SLC35F3: variants seen among roughly 807,000 people sequenced by gnomAD.
SLC35F3 encodes the protein putative thiamine transporter SLC35F3.
Under a neutral mutation model 49.9 loss-of-function variants are expected in SLC35F3, and 25 were observed. The ratio of observed to expected loss-of-function variants is 0.50; its 90% CI spans 0.37 to 0.70. The LOEUF (loss-of-function observed/expected upper bound fraction) is 0.70, where lower values mean the gene tolerates loss of function less well. SLC35F3 is among the 30% of genes least tolerant of loss of function. The pLI is 0.00. For synonymous variants in SLC35F3, 275 were observed against 265.4 expected, an observed-to-expected ratio of 1.04 and a Z score of -0.35; for missense variants, 525 against 639.8, an observed-to-expected ratio of 0.82 and a Z score of 1.94.
chr1:234,313,353 TCTGTGACTCA>T (rs1367781266), intron 4 of SLC35F3, among the ~76,000 whole-genome samples: 1 of 152,170 alleles, frequency 6.6e-6, no homozygotes, highest in Non-Finnish European at 1.5e-5. Flanking sequence ...GAGTGGTGTG[TCTGTGACTCA>T]GGCCTGGGTG....
chr1:234,202,728 G>A (rs1161887822), intron 2 of SLC35F3, among the ~76,000 whole-genome samples: 1 of 152,230 alleles, frequency 6.6e-6, no homozygotes, highest in African/African-American at 2.4e-5. Context: ...GAGATGGCCT[G>A]TGCACCTGTC....
chr1:233,950,547 ACT>A (rs1256769471), intron 2 of SLC35F3, among the ~76,000 whole-genome samples: 1 of 100,610 alleles, frequency 9.9e-6, no homozygotes, highest in Non-Finnish European at 1.9e-5. Context: ...TCCCTCCTTC[ACT>A]CTTTCCTCCT....
chr1:233,908,241 G>A (rs1661808276), intron 2 of SLC35F3, among the ~76,000 whole-genome samples: 1 of 151,834 alleles, frequency 6.6e-6, no homozygotes, highest in African/African-American at 2.4e-5. Context: ...AGTTATGGAA[G>A]CTCCAAGCTA....
intron 2 of SLC35F3, among the ~76,000 whole-genome samples, chr1:233,985,014 T>TG (rs59133633): frequency 0.11 from 15,792 of 148,272 alleles, 1,221 homozygotes; most frequent in East Asian, 0.42. Context: ...ATGCAGGGGT[T>TG]GGGGGGGTGC....
chr1:234,069,135 T>C (rs1664674368), intron 2 of SLC35F3, among the ~76,000 whole-genome samples: 1 of 133,372 alleles, frequency 7.5e-6, no homozygotes, highest in Non-Finnish European at 1.5e-5. Context: ...ATAAAATATA[T>C]AATATATAAT....
intron 2 of SLC35F3, among the ~76,000 whole-genome samples, chr1:234,104,770 A>G (rs534453317): frequency 6.6e-6 from 1 of 152,234 alleles, no homozygotes; most frequent in African/African-American, 2.4e-5. Context: ...ATTTAATTTT[A>G]TGAGAGTGAT....
At chr1:234,108,702 TTA>T (rs1452788162) in intron 2 of SLC35F3, among the ~76,000 whole-genome samples, 14 of 101,218 alleles carry the variant, frequency 1.4e-4, no homozygotes, top group South Asian at 3.4e-4. Context: ...AAAATATATA[TTA>T]TATATATAAA....
intron 3 of SLC35F3, among the ~76,000 whole-genome samples, chr1:234,262,494 G>A (rs1276623301): frequency 6.6e-6 from 1 of 152,192 alleles, no homozygotes; most frequent in Non-Finnish European, 1.5e-5. Context: ...TGGTTGCAGT[G>A]GCTGCTTTAG....
At chr1:234,283,222 G>T (rs1668357630) in intron 3 of SLC35F3, among the ~76,000 whole-genome samples, 1 of 152,158 alleles carries the variant, frequency 6.6e-6, no homozygotes, top group African/African-American at 2.4e-5. Flanking sequence ...CCAATTCCAT[G>T]GTCAACTCCC....
chr1:233,927,426 A>G (rs1662177646), intron 2 of SLC35F3, among the ~76,000 whole-genome samples: 1 of 152,158 alleles, frequency 6.6e-6, no homozygotes, highest in Non-Finnish European at 1.5e-5. Flanking sequence ...ACCTATAACA[A>G]CAAAAAATAA....
intron 2 of SLC35F3, among the ~76,000 whole-genome samples, chr1:233,987,523 T>G (rs1006753916): frequency 1.3e-5 from 2 of 150,700 alleles, no homozygotes; most frequent in Non-Finnish European, 2.9e-5. Context: ...TTTATTTTGA[T>G]CTATCTTTTC....
intron 2 of SLC35F3, among the ~76,000 whole-genome samples, chr1:234,110,985 A>C (rs568124116): frequency 1.3e-5 from 2 of 152,192 alleles, no homozygotes; most frequent in Non-Finnish European, 2.9e-5. Context: ...TGAAAAATCT[A>C]GTATAAGCTT....
At chr1:234,196,062 A>T (rs1045920667) in intron 2 of SLC35F3, among the ~76,000 whole-genome samples, 1 of 152,084 alleles carries the variant, frequency 6.6e-6, no homozygotes, top group Non-Finnish European at 1.5e-5. Flanking sequence ...ACAAGGTGGG[A>T]CTGGACTCCC....
intron 2 of SLC35F3, among the ~76,000 whole-genome samples, chr1:234,169,570 A>T (rs1167401644): frequency 7.1e-6 from 1 of 141,560 alleles, no homozygotes; most frequent in Non-Finnish European, 1.5e-5. Context: ...GGACAGGGAC[A>T]TACTGCCTGT....
chr1:234,202,249 G>A (rs1293467809), intron 2 of SLC35F3, among the ~76,000 whole-genome samples: 1 of 151,996 alleles, frequency 6.6e-6, no homozygotes, highest in South Asian at 2.1e-4. Flanking sequence ...AGGGTCTGTC[G>A]GGCAGTGGGG....
chr1:233,951,604 G>GGTGC (rs1662609008), intron 2 of SLC35F3, among the ~76,000 whole-genome samples: 1 of 152,128 alleles, frequency 6.6e-6, no homozygotes, highest in African/African-American at 2.4e-5. Flanking sequence ...TAGGAATGGG[G>GGTGC]GTGCACCAGC....
chr1:233,954,682 C>G (rs1662666484), intron 2 of SLC35F3, among the ~76,000 whole-genome samples: 4 of 152,272 alleles, frequency 2.6e-5, no homozygotes, highest in Middle Eastern at 3.4e-3. Flanking sequence ...TTTTGCTCTT[C>G]CCTTTTCCCC....
intron 2 of SLC35F3, among the ~76,000 whole-genome samples, chr1:234,066,767 T>C (rs1429472162): frequency 2.4e-5 from 3 of 124,154 alleles, no homozygotes; most frequent in Non-Finnish European, 3.5e-5. Context: ...CTCTCTCTCT[T>C]TCCTTCCCTC....
intron 2 of SLC35F3, among the ~76,000 whole-genome samples, chr1:233,944,283 G>T (rs989911149): frequency 2.0e-5 from 3 of 152,072 alleles, no homozygotes; most frequent in African/African-American, 7.2e-5. Flanking sequence ...AAAATAGACT[G>T]CTAGCTGTAA....
Sources: gnomAD v4.1 joint callset for allele counts (sites outside exome capture counted in the v4.1 genomes callset) on GRCh38, gnomAD v4.1.1 for gene constraint, MANE v1.5 for transcripts, NCBI Gene and HGNC (gene_info 2026-07-23, HGNC 2026-07-21) for gene names.